Variants in GRM1 observed in about 807,000 individuals in gnomAD.
The protein encoded by GRM1 is metabotropic glutamate receptor 1.
GRM1 carries 33 observed loss-of-function variants against 90.9 expected under a neutral mutation model. The observed-to-expected ratio is 0.36, with a 90% CI of 0.28 to 0.49. The LOEUF (loss-of-function observed/expected upper bound fraction) is 0.49, where lower values mean the gene tolerates loss of function less well. Among genes scored for constraint, GRM1 ranks in the 20% least tolerant of loss-of-function variants. The pLI is 0.99. For synonymous variants in GRM1, 700 were observed against 613.2 expected (o/e 1.14, Z -2.09); for missense variants, 1,190 against 1,534.3 (o/e 0.78, Z 3.75).
At chr6:146,267,680 G>GGGCTCGGCTCGGCTC (rs752293971) in intron 2 of GRM1, among the ~76,000 whole-genome samples, 19 of 91,160 alleles carry the variant, frequency 2.1e-4, no homozygotes, top group Non-Finnish European at 3.3e-4. Context: ...GGGCTGGGCT[G>GGGCTCGGCTCGGCTC]GGCTCGGCTC....
chr6:146,301,601 C>T lies in GRM1; in HGVS notation c.951-3010C>T, dbSNP rs542962706. 1.6e-3 allele frequency among the ~76,000 whole-genome samples: 241 copies of T among 152,182 alleles called. 2 individuals are homozygous for T. The highest frequency in any genetic ancestry group is 5.6e-3 in the African/African-American group (231 of 41,522). On this transcript the variant is annotated intron_variant, in intron 2 of 7. Transcript: ENST00000282753. ...ACCTTAGGGAGAAACACACTTCAAC[C>T]CTAACCTTTATGTCAAAAGCAGTTA...
At chr6:146,103,023 G>T (rs951936606) in intron 1 of GRM1, among the ~76,000 whole-genome samples, 5 of 152,278 alleles carry the variant, frequency 3.3e-5, no homozygotes, top group East Asian at 3.9e-4. Flanking sequence ...TGCTGCAGGG[G>T]TTTCTCTGTG....
chr6:146,339,299 T>C (rs1784887573), intron 3 of GRM1, among the ~76,000 whole-genome samples: 1 of 152,200 alleles, frequency 6.6e-6, no homozygotes, highest in South Asian at 2.1e-4. Context: ...ATTCACAACC[T>C]TAACATGGAA....
chr6:146,142,927 C>G (rs1463280819), intron 1 of GRM1, among the ~76,000 whole-genome samples: 2 of 152,166 alleles, frequency 1.3e-5, no homozygotes, highest in Non-Finnish European at 2.9e-5. Flanking sequence ...ACACAATGTC[C>G]TCTTCACTTT....
intron 4 of GRM1, among the ~76,000 whole-genome samples, chr6:146,353,461 GTCTT>G (rs1785474903): frequency 6.6e-6 from 1 of 152,164 alleles, no homozygotes; most frequent in Non-Finnish European, 1.5e-5. Context: ...GTGGATCATT[GTCTT>G]TCTTTTACAG....
intron 1 of GRM1, among the ~76,000 whole-genome samples, chr6:146,103,980 A>G (rs563587330): frequency 6.6e-6 from 1 of 152,208 alleles, no homozygotes; most frequent in South Asian, 2.1e-4. Flanking sequence ...AAACCATCTG[A>G]TCTGAATTCT....
At chr6:146,141,279 G>GT (rs879736360) in intron 1 of GRM1, among the ~76,000 whole-genome samples, 477 of 141,030 alleles carry the variant, frequency 3.4e-3, no homozygotes, top group African/African-American at 7.0e-3. Flanking sequence ...TCTGTTCTTA[G>GT]TTTTTTTTTT....
intron 2 of GRM1, among the ~76,000 whole-genome samples, chr6:146,227,435 G>T (rs1780281455): frequency 6.6e-6 from 1 of 152,132 alleles, no homozygotes; most frequent in Admixed American, 6.6e-5. Flanking sequence ...AATGTATAAT[G>T]ACATGTGTCC....
intron 2 of GRM1, among the ~76,000 whole-genome samples, chr6:146,244,904 G>A (rs1428623289): frequency 2.6e-5 from 4 of 152,200 alleles, no homozygotes; most frequent in Non-Finnish European, 5.9e-5. Context: ...GTAGTTCTCA[G>A]CTACTGCTGA....
chr6:146,337,848 C>T (rs1224722899), intron 3 of GRM1, among the ~76,000 whole-genome samples: 1 of 152,148 alleles, frequency 6.6e-6, no homozygotes, highest in East Asian at 1.9e-4. Flanking sequence ...TGATTTACTT[C>T]CCCTAGTAAC....
intron 1 of GRM1, among the ~76,000 whole-genome samples, chr6:146,142,571 CTG>C: frequency 6.6e-6 from 1 of 152,162 alleles, no homozygotes. Flanking sequence ...TTACCTTGTT[CTG>C]TAGTCTACAC....
In GRM1 at chr6:146,299,518, CA is replaced by C. The variant is rs1425786713; in HGVS notation, c.951-5091del. Among the ~76,000 whole-genome samples the C allele has an allele frequency of 2.0e-5, 3 of 152,266 alleles. No homozygotes were observed. In the East Asian group the frequency reaches 5.8e-4, roughly 29 times the overall value. Reference sequence around the variant, plus strand: ...AGCCAATTTTTCTTCACTATTGAGGCAAGACCCTTCTTAATACATTATCCAA... The same window carrying C: ...AGCCAATTTTTCTTCACTATTGAGGCAGACCCTTCTTAATACATTATCCAA... On this transcript the variant is annotated intron_variant, in intron 2 of 7. Transcript: ENST00000282753.
chr6:146,138,534 A>C (rs1776713215), intron 1 of GRM1, among the ~76,000 whole-genome samples: 1 of 152,000 alleles, frequency 6.6e-6, no homozygotes, highest in African/African-American at 2.4e-5. Flanking sequence ...GAAACATTTT[A>C]TTACAGTTTT....
At chr6:146,216,256 T>C (rs1779867892) in intron 2 of GRM1, among the ~76,000 whole-genome samples, 1 of 152,216 alleles carries the variant, frequency 6.6e-6, no homozygotes, top group Non-Finnish European at 1.5e-5. Context: ...GTAAATGTTA[T>C]CAACTGTAGA....
chr6:146,411,607 T>C (rs985841627), intron 7 of GRM1, among the ~76,000 whole-genome samples: 3 of 152,102 alleles, frequency 2.0e-5, no homozygotes, highest in Non-Finnish European at 4.4e-5. Context: ...ACGAGCAAGA[T>C]ATGAGCCTGA....
intron 2 of GRM1, among the ~76,000 whole-genome samples, chr6:146,248,122 CCTCCCTTCCTTT>C (rs1273141927): frequency 6.6e-6 from 1 of 151,952 alleles, no homozygotes; most frequent in Non-Finnish European, 1.5e-5. Flanking sequence ...TCCTTTGCTT[CCTCCCTTCCTTT>C]CTCCCTCCCT....
intron 1 of GRM1, among the ~76,000 whole-genome samples, chr6:146,067,017 A>T (rs1191868612): frequency 6.6e-6 from 1 of 152,218 alleles, no homozygotes; most frequent in Non-Finnish European, 1.5e-5. Flanking sequence ...ACATTTAACC[A>T]CATAAGTATA....
intron 3 of GRM1, among the ~76,000 whole-genome samples, chr6:146,306,950 T>C (rs915499109): frequency 1.3e-5 from 2 of 152,210 alleles, no homozygotes; most frequent in African/African-American, 4.8e-5. Flanking sequence ...AGATATCTGA[T>C]GGTGGTCCAA....
chr6:146,275,975 A>T (rs1358295061), intron 2 of GRM1, among the ~76,000 whole-genome samples: 1 of 152,144 alleles, frequency 6.6e-6, no homozygotes, highest in Non-Finnish European at 1.5e-5. Flanking sequence ...GAGGAAGAGA[A>T]GAAAGAGGAG....
Sources: gnomAD v4.1 joint callset for allele counts (sites outside exome capture counted in the v4.1 genomes callset) on GRCh38, gnomAD v4.1.1 for gene constraint, MANE v1.5 for transcripts, NCBI Gene and HGNC (gene_info 2026-07-23, HGNC 2026-07-21) for gene names.